Variants in DPP10 observed in about 807,000 individuals in gnomAD.
DPP10 encodes inactive dipeptidyl peptidase 10.
In DPP10, 33 loss-of-function variants were observed where a neutral mutation model predicts 120.9. The ratio of observed to expected loss-of-function variants is 0.27; its 90% CI spans 0.21 to 0.37. The LOEUF (loss-of-function observed/expected upper bound fraction) is 0.37, where lower values mean the gene tolerates loss of function less well. Ranked by LOEUF, DPP10 falls within the 10% of genes least tolerant of loss-of-function variation. The pLI is 1.00. For synonymous variants in DPP10, 337 were observed against 326.1 expected (o/e 1.03, Z -0.36); for missense variants, 816 against 942.8 (o/e 0.87, Z 1.76).
intron 1 of DPP10, among the ~76,000 whole-genome samples, chr2:115,007,271 T>TAC (rs903164356): frequency 9.9e-5 from 15 of 152,164 alleles, no homozygotes; most frequent in Non-Finnish European, 8.8e-5. Context: ...TGGTTCAATA[T>TAC]ACGCAAATCA....
chr2:114,679,907 C>T (rs1698913615), intron 1 of DPP10, among the ~76,000 whole-genome samples: 1 of 151,968 alleles, frequency 6.6e-6, no homozygotes. Flanking sequence ...TAAATAAGCT[C>T]ACCGTATTCA....
intron 1 of DPP10, among the ~76,000 whole-genome samples, chr2:114,557,163 CTAG>C (rs1401622843): frequency 6.6e-6 from 1 of 151,940 alleles, no homozygotes; most frequent in Non-Finnish European, 1.5e-5. Context: ...CTTTTTCTCT[CTAG>C]TAGTAGTCCC....
At chr2:114,685,202 C>A (rs1211939656) in intron 1 of DPP10, among the ~76,000 whole-genome samples, 9 of 151,894 alleles carry the variant, frequency 5.9e-5, no homozygotes. Flanking sequence ...TCCTTTCTCA[C>A]CCTGCTCACC....
At chr2:114,960,488 A>G (rs937535054) in intron 1 of DPP10, among the ~76,000 whole-genome samples, 6 of 151,868 alleles carry the variant, frequency 4.0e-5, no homozygotes, top group Non-Finnish European at 4.4e-5. Context: ...ACACCTGTTA[A>G]TTTTACTCAT....
At chr2:114,813,941 A>AAC (rs375858356) in intron 1 of DPP10, among the ~76,000 whole-genome samples, 26,869 of 139,252 alleles carry the variant, frequency 0.19, 2,575 homozygotes, top group East Asian at 0.24. Context: ...GGCACGCATG[A>AAC]ACACACACAC....
intron 1 of DPP10, among the ~76,000 whole-genome samples, chr2:115,268,140 A>G (rs932115298): frequency 2.6e-5 from 4 of 152,198 alleles, no homozygotes; most frequent in African/African-American, 9.7e-5. Flanking sequence ...TTGTATCCGT[A>G]TTTGTAACTA....
chr2:114,575,519 A>T (rs1689983298), intron 1 of DPP10, among the ~76,000 whole-genome samples: 1 of 152,210 alleles, frequency 6.6e-6, no homozygotes, highest in Non-Finnish European at 1.5e-5. Context: ...CCACTATAGT[A>T]AAGGACTGAT....
rs1431193876 is a variant in DPP10, at chr2:115,072,222, G to A, written c.61-237017G>A. Among the ~76,000 whole-genome samples, 4 of 152,040 alleles carry A rather than the reference G, an allele frequency of 2.6e-5. No individual in the cohort carries two copies. The South Asian group carries it at 6.2e-4, about 24-fold the overall frequency. Reference sequence around the variant, plus strand: ...CTGATGGTTATCTGAACGAGAGCCCGACTGAAGAGGCTGACAATCAGACTA... The same window carrying A: ...CTGATGGTTATCTGAACGAGAGCCCAACTGAAGAGGCTGACAATCAGACTA... On this transcript the variant is annotated intron_variant, in intron 1 of 25. Coordinates refer to ENST00000410059, the MANE Select transcript of DPP10 (RefSeq NM_020868.6).
intron 1 of DPP10, among the ~76,000 whole-genome samples, chr2:115,080,602 A>G (rs1652287798): frequency 6.6e-6 from 1 of 152,208 alleles, no homozygotes; most frequent in Admixed American, 6.5e-5. Flanking sequence ...GAAAATCACA[A>G]AAGAGACCAT....
chr2:114,945,221 T>C (rs1697257702), intron 1 of DPP10, among the ~76,000 whole-genome samples: 1 of 152,198 alleles, frequency 6.6e-6, no homozygotes, highest in Non-Finnish European at 1.5e-5. Context: ...GCATAATCTG[T>C]AACAAATTGA....
intron 1 of DPP10, among the ~76,000 whole-genome samples, chr2:115,172,272 T>C (rs2053405698): frequency 6.6e-6 from 1 of 151,814 alleles, no homozygotes; most frequent in African/African-American, 2.4e-5. Flanking sequence ...TAGTCCCAGC[T>C]ACTCCGGAGG....
chr2:115,729,338 C>T (rs1429519872), intron 8 of DPP10, among the ~76,000 whole-genome samples: 2 of 152,118 alleles, frequency 1.3e-5, no homozygotes, highest in African/African-American at 4.8e-5. Flanking sequence ...ATTATTGGTA[C>T]TGTGTGACAC....
Position 115,504,681 on chromosome 2 carries a change from A to G in DPP10, c.366+5077A>G, listed in dbSNP as rs183336676. Reference sequence around the variant, plus strand: ...TGGAATAATACATGTTTCAGCAAAGATTGGACACCTTTCTATATTTAGTTA... The same window carrying G: ...TGGAATAATACATGTTTCAGCAAAGGTTGGACACCTTTCTATATTTAGTTA... On this transcript the variant is annotated intron_variant, in intron 4 of 25. Transcript: ENST00000410059. Among the ~76,000 whole-genome samples, 544 of 152,288 alleles carry G rather than the reference A, an allele frequency of 3.6e-3. 4 individuals are homozygous for G. Among genetic ancestry groups the G allele is most frequent in the Non-Finnish European group, 4.2e-3 (288 of 68,012 alleles).
chr2:114,535,847 G>A (rs1273399956), intron 1 of DPP10, among the ~76,000 whole-genome samples: 4 of 152,112 alleles, frequency 2.6e-5, no homozygotes, highest in Non-Finnish European at 5.9e-5. Context: ...AACTGCCCTC[G>A]TATTTTCAAC....
intron 1 of DPP10, among the ~76,000 whole-genome samples, chr2:114,591,773 T>C (rs1297423513): frequency 1.3e-5 from 2 of 152,010 alleles, no homozygotes; most frequent in Non-Finnish European, 2.9e-5. Context: ...CAGGCTGGTC[T>C]CGAACTCCTG....
chr2:115,195,814 A>G (rs2055220886), intron 1 of DPP10, among the ~76,000 whole-genome samples: 1 of 152,136 alleles, frequency 6.6e-6, no homozygotes. Flanking sequence ...TTCCCTCCAC[A>G]AAGCAACAGG....
intron 1 of DPP10, among the ~76,000 whole-genome samples, chr2:115,027,941 G>T (rs1056700602): frequency 6.6e-6 from 1 of 151,916 alleles, no homozygotes; most frequent in Non-Finnish European, 1.5e-5. Flanking sequence ...TATTTCTGTA[G>T]TTAGTTGTTA....
Position 114,912,325 on chromosome 2 carries a change from A to G in DPP10, c.61-396914A>G, listed in dbSNP as rs1371657985. Among the ~76,000 whole-genome samples the G allele has an allele frequency of 2.6e-5, 4 of 152,192 alleles. No homozygotes were observed. The East Asian group carries it at 5.8e-4, about 22-fold the overall frequency. On this transcript the variant is annotated intron_variant, in intron 1 of 25. Coordinates refer to ENST00000410059, the MANE Select transcript of DPP10 (RefSeq NM_020868.6). ...ATATTTTCATGATTCCACATCTACT[A>G]TACAGATCCTGCCTTGTACGATGAC...
At chr2:115,629,832 A>G (rs1460014244) in intron 5 of DPP10, among the ~76,000 whole-genome samples, 1 of 152,182 alleles carries the variant, frequency 6.6e-6, no homozygotes, top group Non-Finnish European at 1.5e-5. Context: ...GAAGTCAGGT[A>G]GCATGATGCC....
Sources: allele counts gnomAD v4.1 joint callset (sites outside exome capture counted in the v4.1 genomes callset), GRCh38; gene constraint gnomAD v4.1.1; transcripts MANE v1.5; gene names NCBI Gene and HGNC (gene_info 2026-07-23, HGNC 2026-07-21).